Variants in SUPT20H observed in about 807,000 individuals in gnomAD.
The protein encoded by SUPT20H is SPT20 homolog, SAGA complex component.
A neutral mutation model predicts 122.8 loss-of-function variants in SUPT20H; 82 were observed. That is an observed-to-expected ratio of 0.67 (90% CI 0.56 to 0.80). SUPT20H has a LOEUF of 0.80. Among genes scored for constraint, SUPT20H ranks in the 30% least tolerant of loss-of-function variants. The pLI, the probability that SUPT20H is intolerant of heterozygous loss-of-function variation, is 0.00. For missense variants in SUPT20H, 831 were observed against 921.6 expected, an observed-to-expected ratio of 0.90 and a Z score of 1.27; for synonymous variants, 291 against 313.0, an observed-to-expected ratio of 0.93 and a Z score of 0.74.
intron 1 of SUPT20H, 35 bp from the exon 2 acceptor site, chr13:37,051,618 C>T (rs1334357664): frequency 6.3e-6 from 4 of 634,934 alleles, no homozygotes; most frequent in South Asian, 5.1e-5. Flanking sequence ...CCAATATTAA[C>T]ATAAGGCTAT....
intron 1 of SUPT20H, among the ~76,000 whole-genome samples, chr13:37,058,501 C>T (rs949825256): frequency 1.3e-5 from 2 of 152,164 alleles, no homozygotes; most frequent in African/African-American, 4.8e-5. Flanking sequence ...TTTCTTGTCA[C>T]TAAATTGGGG....
At chr13:37,047,031 C>T (rs1325178116) in intron 5 of SUPT20H, 1 of 152,454 alleles carries the variant, frequency 6.6e-6, no homozygotes, top group East Asian at 1.9e-4. Flanking sequence ...TGTCTACTAC[C>T]CATATCTTTA....
At chr13:37,017,976 A>G (rs2060806431) in intron 22 of SUPT20H, among the ~76,000 whole-genome samples, 1 of 152,184 alleles carries the variant, frequency 6.6e-6, no homozygotes, top group South Asian at 2.1e-4. Context: ...AGGGAAAACA[A>G]TGCTTTTCAA....
intron 23 of SUPT20H, chr13:37,013,905 A>G (rs2060000758): frequency 6.6e-6 from 1 of 152,122 alleles, no homozygotes; most frequent in Admixed American, 6.5e-5. Context: ...GAGCTATGAT[A>G]AAACAAACAA....
chr13:37,021,518 G>C lies in SUPT20H; in HGVS notation c.1746C>G (p.Ser582Arg). ...GAITPAGINL[S>R]GLLPSGGLLP... Reference sequence around the variant, plus strand: ...GCAGACCTCCTGAGGGTAGAAGGCCGCTCAGGTTTATTCCTGCAGGAGTTA... The same window carrying C: ...GCAGACCTCCTGAGGGTAGAAGGCCCCTCAGGTTTATTCCTGCAGGAGTTA... The change falls in exon 21 of 26, where the codon AGC becomes AGG. Residue 582 changes from serine to arginine, a missense_variant. Ser to Arg is a moderately radical substitution (Grantham distance 110, BLOSUM62 -1). Coordinates refer to ENST00000350612, the MANE Select transcript of SUPT20H (RefSeq NM_001014286.3). The C allele has an allele frequency of 6.2e-7, 1 of 1,613,744 alleles. No individual in the cohort carries two copies. The highest frequency in any genetic ancestry group is 8.5e-7 in the Non-Finnish European group (1 of 1,179,910).
chr13:37,034,734 C>A (rs2064020972), intron 9 of SUPT20H, among the ~76,000 whole-genome samples: 1 of 152,224 alleles, frequency 6.6e-6, no homozygotes, highest in Non-Finnish European at 1.5e-5. Flanking sequence ...CCATCCAGAA[C>A]TTTCATAGCT....
At chr13:37,035,646 C>T (rs910985823) in intron 9 of SUPT20H, among the ~76,000 whole-genome samples, 1 of 152,040 alleles carries the variant, frequency 6.6e-6, no homozygotes, top group Non-Finnish European at 1.5e-5. Context: ...GCTACTCGGC[C>T]TAAGCCTCCC....
intron 12 of SUPT20H, among the ~76,000 whole-genome samples, chr13:37,030,415 C>A (rs1250899149): frequency 6.6e-6 from 1 of 152,130 alleles, no homozygotes; most frequent in African/African-American, 2.4e-5. Flanking sequence ...TTTAGACTTA[C>A]CTGGAGCACC....
intron 1 of SUPT20H, among the ~76,000 whole-genome samples, chr13:37,056,134 T>C (rs1337858828): frequency 2.6e-5 from 4 of 152,164 alleles, no homozygotes; most frequent in Admixed American, 1.3e-4. Flanking sequence ...GGAGAGGATG[T>C]GGAGAAATAG....
chr13:37,027,409 C>T (rs1361373838), intron 14 of SUPT20H, among the ~76,000 whole-genome samples: 1 of 151,978 alleles, frequency 6.6e-6, no homozygotes, highest in East Asian at 1.9e-4. Flanking sequence ...GCTGAGGATT[C>T]CCTGTTATTT....
Position 37,012,194 on chromosome 13 carries a change from G to A in SUPT20H, c.2096C>T (p.Ala699Val). 1 of 1,610,700 alleles carries A rather than the reference G, an allele frequency of 6.2e-7. No individual in the cohort carries two copies. Among genetic ancestry groups the A allele is most frequent in the Non-Finnish European group, 8.5e-7 (1 of 1,177,322 alleles). Residue 699 changes from alanine (A) to valine (V), a missense_variant and splice_region_variant, in exon 24 of 26, where the codon GCT becomes GTT. By Grantham distance (64) the Ala-to-Val change is moderately conservative. Coordinates refer to ENST00000350612, the MANE Select transcript of SUPT20H (RefSeq NM_001014286.3). ...GVGSFMQSQA[A>V]VLSQLGSAEN... ...TATAAAGTTATGAAGATACCTACCAGCTGCCTGTGACTGCATAAAACTTCC... is the reference window on the plus strand; with the variant it reads ...TATAAAGTTATGAAGATACCTACCAACTGCCTGTGACTGCATAAAACTTCC...
Position 37,022,422 on chromosome 13 carries a change from T to C in SUPT20H, c.1592-342A>G. ...TTAGCACTGACAATTTGTTCTAGTT[T>C]TTTTTTTTTTAGCAGTTAACTGCAA... On this transcript the variant is annotated intron_variant, in intron 19 of 25. Transcript: ENST00000350612. The surrounding 1 kb of genome is among the most constrained non-coding windows in gnomAD (Gnocchi z 4.5). The C allele has an allele frequency of 7.7e-7, 1 of 1,291,810 alleles. No homozygotes were observed. The highest frequency in any genetic ancestry group is 9.8e-7 in the Non-Finnish European group (1 of 1,020,554). 80.0% of individuals were successfully genotyped at this position (1,291,810 alleles called of 1,614,324 possible).
At chr13:37,052,575 A>C (rs1258697713) in intron 1 of SUPT20H, among the ~76,000 whole-genome samples, 1 of 152,204 alleles carries the variant, frequency 6.6e-6, no homozygotes, top group Non-Finnish European at 1.5e-5. Context: ...AAACCATAAA[A>C]ACCCTAGAAG....
In SUPT20H at chr13:37,019,353, T is replaced by C; in HGVS notation, c.1861A>G (p.Asn621Asp). Residue 621 changes from asparagine (N) to aspartate (D), a missense_variant, in exon 22 of 26, where the codon AAT becomes GAT. Physicochemically the swap from Asn to Asp is conservative, Grantham distance 23. Transcript: ENST00000350612. ...TATTTCAGGTTTACCTGGAGTAGATTTAAGGGCCTGAGACTTGAAGTATTT... is the reference window on the plus strand; with the variant it reads ...TATTTCAGGTTTACCTGGAGTAGATCTAAGGGCCTGAGACTTGAAGTATTT... ...LKNTSSLRPL[N>D]LLQLPGGSLI... is the part of the protein sequence containing the mutation. 1 of 1,600,832 alleles carries C rather than the reference T, an allele frequency of 6.2e-7. No individual in the cohort carries two copies. Among genetic ancestry groups the C allele is most frequent in the East Asian group, 2.3e-5 (1 of 44,368 alleles).
At chr13:37,024,558 C>T (rs947126464) in intron 17 of SUPT20H, 116 bp from the exon 18 acceptor site, 29 of 695,478 alleles carry the variant, frequency 4.2e-5, no homozygotes, top group East Asian at 1.3e-4. Flanking sequence ...CTATAAATCC[C>T]AGATTTTTAA....
chr13:37,010,360 T>C (rs1156352350), intron 25 of SUPT20H, among the ~76,000 whole-genome samples, 192 bp downstream of exon 25: 2 of 152,206 alleles, frequency 1.3e-5, no homozygotes, highest in African/African-American at 4.8e-5. Context: ...AGAGTATGGC[T>C]TAAATATACA....
At chr13:37,033,704 T>C in intron 9 of SUPT20H, 116 bp from the exon 10 acceptor site, 4 of 1,142,844 alleles carry the variant, frequency 3.5e-6, no homozygotes, top group Non-Finnish European at 4.7e-6. Flanking sequence ...TACAGTAAAA[T>C]ATGGTATTTC....
chr13:37,025,505 A>G lies in SUPT20H; in HGVS notation c.1212-68T>C, dbSNP rs1020109984. 2.0e-5 allele frequency: 22 copies of G among 1,077,238 alleles called. No individual in the cohort carries two copies. In the Admixed American group the frequency reaches 2.8e-4, roughly 14 times the overall value. 66.7% of individuals were successfully genotyped at this position (1,077,238 alleles called of 1,614,324 possible). On this transcript the variant is annotated intron_variant, in intron 16 of 25. Coordinates refer to ENST00000350612, the MANE Select transcript of SUPT20H (RefSeq NM_001014286.3). ...TTTAAACACAAATTTATTTTATAGG[A>G]AAGAATAATGACTATTAATGGCAAA...
intron 23 of SUPT20H, among the ~76,000 whole-genome samples, chr13:37,016,066 A>G (rs983001115): frequency 1.3e-5 from 2 of 152,208 alleles, no homozygotes; most frequent in Admixed American, 6.5e-5. Flanking sequence ...AAAAAGTTCT[A>G]TAATAGAAAT....
Sources: allele counts gnomAD v4.1 joint callset (sites outside exome capture counted in the v4.1 genomes callset), GRCh38; gene constraint gnomAD v4.1.1; non-coding constraint Gnocchi (gnomAD v3.1); transcripts MANE v1.5; gene names NCBI Gene and HGNC (gene_info 2026-07-23, HGNC 2026-07-21).